The following CPEB3 variants were observed in gnomAD, a reference collection of about 807,000 sequenced individuals.
CPEB3 encodes the protein cytoplasmic polyadenylation element-binding protein 3.
CPEB3 carries 20 observed loss-of-function variants against 67.2 expected under a neutral mutation model. That is an observed-to-expected ratio of 0.30 (90% CI 0.21 to 0.43). CPEB3 has a LOEUF of 0.43. CPEB3 is among the 20% of genes least tolerant of loss of function. CPEB3 has a pLI of 1.00. For missense variants in CPEB3, 746 were observed against 968.6 expected (o/e 0.77, Z 3.05); for synonymous variants, 376 against 393.1 (o/e 0.96, Z 0.51).
At chr10:92,206,652 G>T (rs1342753878) in intron 2 of CPEB3, among the ~76,000 whole-genome samples, 2 of 151,762 alleles carry the variant, frequency 1.3e-5, no homozygotes, top group Non-Finnish European at 2.9e-5. Flanking sequence ...TATTTTGTAG[G>T]CAATAAATGT....
At chr10:92,217,784 T>A (rs1380605029) in intron 2 of CPEB3, among the ~76,000 whole-genome samples, 3 of 151,860 alleles carry the variant, frequency 2.0e-5, no homozygotes, top group African/African-American at 4.8e-5. Flanking sequence ...AAAAAAAAAA[T>A]AAATTCATTT....
intron 9 of CPEB3, among the ~76,000 whole-genome samples, chr10:92,071,517 G>A (rs891606511): frequency 1.3e-5 from 2 of 152,020 alleles, no homozygotes; most frequent in Non-Finnish European, 2.9e-5. Flanking sequence ...GGATCACGAG[G>A]TCAGGAGTTC....
chr10:92,238,204 A>G (rs544799123), intron 2 of CPEB3, among the ~76,000 whole-genome samples: 3 of 152,196 alleles, frequency 2.0e-5, no homozygotes, highest in Non-Finnish European at 4.4e-5. Flanking sequence ...TGAGCCTAGA[A>G]GCTTACAGCC....
At chr10:92,201,887 C>T (rs1849543321) in intron 2 of CPEB3, among the ~76,000 whole-genome samples, 1 of 152,124 alleles carries the variant, frequency 6.6e-6, no homozygotes, top group Non-Finnish European at 1.5e-5. Context: ...ATGCCTGTCA[C>T]TCTCAATAAA....
intron 6 of CPEB3, among the ~76,000 whole-genome samples, chr10:92,117,185 G>T (rs1399941106): frequency 6.6e-6 from 1 of 150,958 alleles, no homozygotes; most frequent in Non-Finnish European, 1.5e-5. Flanking sequence ...CACCATACCT[G>T]GCAAATTTTT....
At chr10:92,153,934 G>A (rs1180792960) in intron 4 of CPEB3, among the ~76,000 whole-genome samples, 1 of 151,614 alleles carries the variant, frequency 6.6e-6, no homozygotes, top group Non-Finnish European at 1.5e-5. Flanking sequence ...GACACTACCT[G>A]GTAGACTAGT....
rs140884766 is a variant in CPEB3 at position 92,240,040 on chromosome 10, G to A, written c.311C>T (p.Ser104Leu). Residue 104 changes from serine (S) to leucine (L), a missense_variant, in exon 2 of 10, where the codon TCG becomes TTG. By Grantham distance (145) the Ser-to-Leu change is moderately radical. This residue lies in a region of CPEB3 where 643 missense variants were observed against 717.5 expected (regional missense o/e 0.90). Coordinates refer to ENST00000265997, the MANE Select transcript of CPEB3 (RefSeq NM_014912.5). Reference sequence around the variant, plus strand: ...GGACCAGGTGCTGCCGAAGGACGGCGACAGCGACGCGCCCGGTGCCGCGGG... The same window carrying A: ...GGACCAGGTGCTGCCGAAGGACGGCAACAGCGACGCGCCCGGTGCCGCGGG... ...QEPAAPGASL[S>L]PSFGSTWSTG... The A allele has an allele frequency of 3.2e-4, 511 of 1,600,762 alleles. No individual in the cohort carries two copies. Among genetic ancestry groups the A allele is most frequent in the Non-Finnish European group, 4.2e-4 (490 of 1,173,788 alleles).
intron 6 of CPEB3, among the ~76,000 whole-genome samples, chr10:92,117,230 G>A (rs907638616): frequency 1.3e-5 from 2 of 150,186 alleles, no homozygotes; most frequent in African/African-American, 4.9e-5. Flanking sequence ...CACCATCTTG[G>A]CCAGGCTGGT....
rs74444802 is a variant in CPEB3 at position 92,201,499 on chromosome 10, G to C, written c.1006-8863C>G. Among the ~76,000 whole-genome samples the C allele has an allele frequency of 5.6e-3, 860 of 152,286 alleles. 9 individuals are homozygous for C. The highest frequency in any genetic ancestry group is 0.02 in the African/African-American group (821 of 41,548). On this transcript the variant is annotated intron_variant, in intron 2 of 9. Transcript: ENST00000265997. ...GTCAAGGTGGTGCCACCGCACTCCAGTCTGGGCAACAGAACAAGACACTGT... is the reference window on the plus strand; with the variant it reads ...GTCAAGGTGGTGCCACCGCACTCCACTCTGGGCAACAGAACAAGACACTGT...
chr10:92,284,023 G>A (rs544503771), intron 1 of CPEB3, among the ~76,000 whole-genome samples: 15 of 146,960 alleles, frequency 1.0e-4, no homozygotes, highest in African/African-American at 2.8e-4. Context: ...CACTGTGCCC[G>A]GCCCAGAATG....
At chr10:92,246,190 C>T (rs577771900) in intron 1 of CPEB3, among the ~76,000 whole-genome samples, 2 of 149,588 alleles carry the variant, frequency 1.3e-5, no homozygotes, top group South Asian at 2.1e-4. Flanking sequence ...AAAAATTAGT[C>T]GGGCATGGTG....
intron 2 of CPEB3, among the ~76,000 whole-genome samples, chr10:92,211,358 A>T (rs1850073901): frequency 6.6e-6 from 1 of 152,162 alleles, no homozygotes. Context: ...GTGTATTAAT[A>T]ATGGCATGCT....
intron 6 of CPEB3, among the ~76,000 whole-genome samples, chr10:92,111,749 C>T (rs780884484): frequency 6.6e-6 from 1 of 152,146 alleles, no homozygotes; most frequent in Non-Finnish European, 1.5e-5. Context: ...GATGATTGCA[C>T]AACTCTGTAA....
At position 92,111,178 on chromosome 10, in the gene CPEB3, C is replaced by T. The variant is rs1056018815; in HGVS notation, c.1470G>A (p.Leu490=). The T allele has an allele frequency of 6.2e-7, 1 of 1,613,232 alleles. No individual in the cohort carries two copies. The highest frequency in any genetic ancestry group is 8.5e-7 in the Non-Finnish European group (1 of 1,179,198). Reference sequence around the variant, plus strand: ...CTTGTACTGAGCTTTCCTCTTGGAACAGCAGAAAGGCATAGCCTTGGGGAG... The same window carrying T: ...CTTGTACTGAGCTTTCCTCTTGGAATAGCAGAAAGGCATAGCCTTGGGGAG... ...YFPPKGYAFL[L]FQEESSVQAL... The change falls in exon 7 of 10, where the codon CTG becomes CTA. Residue 490 remains leucine (L), a synonymous_variant. Transcript: ENST00000265997.
rs1408862610 is a variant in CPEB3, at chr10:92,050,787, C to T, written c.*1425G>A. The T allele has an allele frequency of 6.5e-6, 1 of 152,674 alleles. No individual in the cohort carries two copies. Among genetic ancestry groups the T allele is most frequent in the East Asian group, 1.9e-4 (1 of 5,206 alleles). The allele number at this position is 152,674 out of a possible 1,614,324, so 9.5% of individuals were successfully genotyped here. ...TGTGCCTAGTTTGTCAATCTGACAA[C>T]TTATCTCTATATCCTGTATATATTC... is the stretch of plus-strand genomic sequence containing the variant. On this transcript the variant is annotated 3_prime_UTR_variant, in exon 10 of 10. Coordinates refer to ENST00000265997, the MANE Select transcript of CPEB3 (RefSeq NM_014912.5).
intron 1 of CPEB3, among the ~76,000 whole-genome samples, chr10:92,266,587 CA>C: frequency 6.6e-6 from 1 of 151,802 alleles, no homozygotes. Context: ...AGTAGTAAAC[CA>C]AAAAGACAAG....
chr10:92,155,010 A>G lies in CPEB3; in HGVS notation c.1223-9925T>C, dbSNP rs181101712. On this transcript the variant is annotated intron_variant, in intron 4 of 9. Coordinates refer to ENST00000265997, the MANE Select transcript of CPEB3 (RefSeq NM_014912.5). ...GATGGCTTGAGGCCAGGAGTTCAGG[A>G]CCAGCCTAGCCAATATGGTGAAACC... 2.9e-3 allele frequency among the ~76,000 whole-genome samples: 449 copies of G among 152,274 alleles called. 16 individuals are homozygous for G. In the East Asian group the frequency reaches 0.079, roughly 27 times the overall value.
intron 2 of CPEB3, among the ~76,000 whole-genome samples, chr10:92,238,016 G>A (rs990616047): frequency 3.9e-5 from 6 of 152,138 alleles, no homozygotes; most frequent in African/African-American, 1.2e-4. Context: ...CTTCATGAAT[G>A]GGAGCCACTC....
At chr10:92,069,428 G>A (rs1178043551) in intron 9 of CPEB3, among the ~76,000 whole-genome samples, 8 of 152,166 alleles carry the variant, frequency 5.3e-5, no homozygotes, top group African/African-American at 1.9e-4. Flanking sequence ...TTTTGAGACA[G>A]GGTCTCACTC....
Sources: allele counts gnomAD v4.1 joint callset (sites outside exome capture counted in the v4.1 genomes callset), GRCh38; gene constraint gnomAD v4.1.1; regional missense constraint gnomAD v4.1.1; transcripts MANE v1.5; gene names NCBI Gene and HGNC (gene_info 2026-07-23, HGNC 2026-07-21).